ZSWIM6: variants seen among roughly 807,000 people sequenced by gnomAD.
ZSWIM6 encodes the protein zinc finger SWIM domain-containing protein 6.
A neutral mutation model predicts 113.2 loss-of-function variants in ZSWIM6; 9 were observed. That is an observed-to-expected ratio of 0.08 (90% CI 0.05 to 0.14). ZSWIM6 has a LOEUF of 0.14. ZSWIM6 is among the 10% of genes least tolerant of loss of function. The probability of loss-of-function intolerance (pLI) is 1.00; values close to 1 mark genes in which losing one functional copy is unlikely to be tolerated. For missense variants in ZSWIM6, 1,162 were observed against 1,552.2 expected, an observed-to-expected ratio of 0.75 and a Z score of 4.22; for synonymous variants, 611 against 606.5, an observed-to-expected ratio of 1.01 and a Z score of -0.11.
intron 1 of ZSWIM6, among the ~76,000 whole-genome samples, chr5:61,336,089 C>G (rs561578821): frequency 1.1e-3 from 174 of 151,752 alleles, no homozygotes; most frequent in Non-Finnish European, 1.5e-3. Flanking sequence ...ATGGTTAAAC[C>G]CTGTCCCTAC....
intron 4 of ZSWIM6, among the ~76,000 whole-genome samples, chr5:61,512,089 A>T (rs1202175280): frequency 6.6e-6 from 1 of 152,104 alleles, no homozygotes; most frequent in Non-Finnish European, 1.5e-5. Flanking sequence ...ACCACAATCA[A>T]GATAGAGAAC....
intron 1 of ZSWIM6, among the ~76,000 whole-genome samples, chr5:61,360,711 G>C (rs1745016598): frequency 6.6e-6 from 1 of 152,094 alleles, no homozygotes; most frequent in South Asian, 2.1e-4. Flanking sequence ...CTCACCTTTG[G>C]AATATCTCTC....
chr5:61,427,044 G>T (rs1291844891), intron 1 of ZSWIM6, among the ~76,000 whole-genome samples: 3 of 152,162 alleles, frequency 2.0e-5, no homozygotes, highest in Non-Finnish European at 4.4e-5. Context: ...AACACTTTAA[G>T]ACCATGACTA....
At chr5:61,417,826 C>G (rs192057271) in intron 1 of ZSWIM6, among the ~76,000 whole-genome samples, 1 of 152,154 alleles carries the variant, frequency 6.6e-6, no homozygotes, top group Non-Finnish European at 1.5e-5. Flanking sequence ...GCAGATTGTA[C>G]ATATCACAGT....
At chr5:61,527,188 A>C (rs1449740439) in intron 7 of ZSWIM6, among the ~76,000 whole-genome samples, 1 of 152,210 alleles carries the variant, frequency 6.6e-6, no homozygotes, top group African/African-American at 2.4e-5. Context: ...TGATCAGATA[A>C]AGAAATGTAT....
chr5:61,404,254 C>T (rs1746003185), intron 1 of ZSWIM6, among the ~76,000 whole-genome samples: 1 of 152,194 alleles, frequency 6.6e-6, no homozygotes, highest in Non-Finnish European at 1.5e-5. Flanking sequence ...CACCGGAAAA[C>T]TTTCCTTCAC....
intron 1 of ZSWIM6, among the ~76,000 whole-genome samples, chr5:61,364,522 A>G (rs1219934215): frequency 6.6e-6 from 1 of 152,258 alleles, no homozygotes; most frequent in Admixed American, 6.5e-5. Flanking sequence ...ATAAAGCCTT[A>G]TTGTAACACA....
At chr5:61,392,383 A>G (rs1459882006) in intron 1 of ZSWIM6, among the ~76,000 whole-genome samples, 1 of 152,214 alleles carries the variant, frequency 6.6e-6, no homozygotes, top group Non-Finnish European at 1.5e-5. Context: ...ATTTTTTTAA[A>G]TGATTATATG....
intron 10 of ZSWIM6, among the ~76,000 whole-genome samples, chr5:61,538,275 A>T (rs1331391535): frequency 6.6e-6 from 1 of 152,240 alleles, no homozygotes; most frequent in Non-Finnish European, 1.5e-5. Context: ...CTAATTGTTC[A>T]GAAAGTATGA....
At chr5:61,456,902 TC>T (rs869173404) in intron 1 of ZSWIM6, among the ~76,000 whole-genome samples, 6 of 84,798 alleles carry the variant, frequency 7.1e-5, no homozygotes, top group African/African-American at 1.4e-4. Flanking sequence ...TTTTTTTTTT[TC>T]TTTTTTTTAT....
intron 1 of ZSWIM6, among the ~76,000 whole-genome samples, chr5:61,425,311 A>G (rs1746444304): frequency 6.6e-6 from 1 of 152,254 alleles, no homozygotes; most frequent in South Asian, 2.1e-4. Context: ...GCAGTGGCAC[A>G]TCTACATTTT....
chr5:61,339,042 T>G (rs1029594439), intron 1 of ZSWIM6, among the ~76,000 whole-genome samples: 4 of 152,226 alleles, frequency 2.6e-5, no homozygotes, highest in Admixed American at 2.6e-4. Flanking sequence ...ATTCTAACCC[T>G]ATGAATGTTT....
chr5:61,393,337 C>A (rs1294292642), intron 1 of ZSWIM6, among the ~76,000 whole-genome samples: 3 of 152,126 alleles, frequency 2.0e-5, no homozygotes, highest in Non-Finnish European at 4.4e-5. Flanking sequence ...TGAGCCACTG[C>A]ACCCGGCCTC....
intron 1 of ZSWIM6, among the ~76,000 whole-genome samples, chr5:61,404,344 T>TTCC (rs1175465400): frequency 2.0e-5 from 3 of 152,236 alleles, no homozygotes; most frequent in African/African-American, 7.2e-5. Flanking sequence ...TTTATTTACT[T>TTCC]TCCGATCTTT....
At chr5:61,453,865 G>A (rs186631959) in intron 1 of ZSWIM6, among the ~76,000 whole-genome samples, 35 of 152,064 alleles carry the variant, frequency 2.3e-4, no homozygotes, top group African/African-American at 7.5e-4. Context: ...AAAATATTGG[G>A]GGGGGGAAGA....
chr5:61,523,649 G>A (rs1749198080), intron 5 of ZSWIM6, among the ~76,000 whole-genome samples: 1 of 151,960 alleles, frequency 6.6e-6, no homozygotes, highest in Non-Finnish European at 1.5e-5. Context: ...AATAGCCACT[G>A]ACATTCAAGA....
chr5:61,459,996 A>G (rs1040893054), intron 1 of ZSWIM6, among the ~76,000 whole-genome samples: 1 of 152,246 alleles, frequency 6.6e-6, no homozygotes, highest in South Asian at 2.1e-4. Context: ...AGAGTATGCC[A>G]GATGAAGTTT....
intron 1 of ZSWIM6, among the ~76,000 whole-genome samples, chr5:61,438,118 A>G (rs769662178): frequency 3.3e-5 from 5 of 152,176 alleles, no homozygotes; most frequent in Non-Finnish European, 5.9e-5. Context: ...TATACATCCT[A>G]TTCAGCTACA....
intron 1 of ZSWIM6, among the ~76,000 whole-genome samples, chr5:61,455,509 A>G: frequency 6.6e-6 from 1 of 152,320 alleles, no homozygotes; most frequent in East Asian, 1.9e-4. Context: ...CTGGTTTCCA[A>G]ACTCCTGGAA....
Sources: allele counts gnomAD v4.1 joint callset (sites outside exome capture counted in the v4.1 genomes callset), GRCh38; gene constraint gnomAD v4.1.1; transcripts MANE v1.5; gene names NCBI Gene and HGNC (gene_info 2026-07-23, HGNC 2026-07-21).